The following SIPA1L1 variants were observed in gnomAD, a reference collection of about 807,000 sequenced individuals.
SIPA1L1 encodes signal-induced proliferation-associated 1-like protein 1.
A neutral mutation model predicts 162.7 loss-of-function variants in SIPA1L1; 26 were observed. That is an observed-to-expected ratio of 0.16 (90% confidence interval 0.12 to 0.22). SIPA1L1 has a LOEUF of 0.22. Among genes scored for constraint, SIPA1L1 ranks in the 10% least tolerant of loss-of-function variants. SIPA1L1 has a pLI of 1.00. For missense variants in SIPA1L1, 1,874 were observed against 2,241.0 expected (o/e 0.84, Z 3.31); for synonymous variants, 829 against 837.4 (o/e 0.99, Z 0.17).
At chr14:71,399,061 A>AT (rs1374670297) in intron 2 of SIPA1L1, among the ~76,000 whole-genome samples, 2 of 152,246 alleles carry the variant, frequency 1.3e-5, no homozygotes, top group East Asian at 3.8e-4. Flanking sequence ...GTGGCAACTA[A>AT]GTTTAGCACT....
intron 7 of SIPA1L1, among the ~76,000 whole-genome samples, chr14:71,634,998 G>A (rs139002047): frequency 6.7e-6 from 1 of 149,720 alleles, no homozygotes; most frequent in African/African-American, 2.5e-5. Context: ...TGGATCTTGG[G>A]AGGGCACGGT....
intron 4 of SIPA1L1, among the ~76,000 whole-genome samples, chr14:71,585,950 G>A (rs1470357899): frequency 2.6e-5 from 4 of 152,162 alleles, no homozygotes; most frequent in Admixed American, 2.6e-4. Context: ...GCAACAGTTA[G>A]CATGTTTTGT....
intron 2 of SIPA1L1, among the ~76,000 whole-genome samples, chr14:71,425,751 C>T (rs2043513355): frequency 6.6e-6 from 1 of 152,046 alleles, no homozygotes; most frequent in African/African-American, 2.4e-5. Context: ...CCTCTGTTTC[C>T]TTGTATCCAG....
intron 2 of SIPA1L1, among the ~76,000 whole-genome samples, chr14:71,359,673 CTTAA>C (rs1426725853): frequency 1.3e-5 from 2 of 151,942 alleles, no homozygotes; most frequent in African/African-American, 4.8e-5. Flanking sequence ...TTTTAATTGA[CTTAA>C]TTGAGGATGG....
chr14:71,499,906 C>G (rs1299850244), intron 2 of SIPA1L1, among the ~76,000 whole-genome samples: 1 of 152,112 alleles, frequency 6.6e-6, no homozygotes, highest in Non-Finnish European at 1.5e-5. Flanking sequence ...CCACCAGAAA[C>G]CAGAGATTCA....
At chr14:71,419,729 C>T (rs34294360) in intron 2 of SIPA1L1, among the ~76,000 whole-genome samples, 12 of 151,912 alleles carry the variant, frequency 7.9e-5, no homozygotes, top group East Asian at 1.9e-4. Flanking sequence ...GATCTCCTGA[C>T]CTCATGATCC....
chr14:71,394,545 C>T (rs2041026829), intron 2 of SIPA1L1, among the ~76,000 whole-genome samples: 1 of 152,138 alleles, frequency 6.6e-6, no homozygotes, highest in South Asian at 2.1e-4. Flanking sequence ...ACCTTTTCAC[C>T]TATTCTCCAG....
At chr14:71,562,614 G>A (rs755989962) in intron 4 of SIPA1L1, among the ~76,000 whole-genome samples, 5 of 152,068 alleles carry the variant, frequency 3.3e-5, no homozygotes, top group Admixed American at 1.3e-4. Context: ...CCCAGAATTC[G>A]TTGGATAACC....
chr14:71,494,646 C>A (rs1183049711), intron 2 of SIPA1L1, among the ~76,000 whole-genome samples: 1 of 151,604 alleles, frequency 6.6e-6, no homozygotes, highest in African/African-American at 2.4e-5. Flanking sequence ...CCCGCTTCAG[C>A]CTCAATAGTA....
chr14:71,566,629 G>C (rs1208637741), intron 4 of SIPA1L1, among the ~76,000 whole-genome samples: 3 of 152,126 alleles, frequency 2.0e-5, no homozygotes, highest in Non-Finnish European at 2.9e-5. Flanking sequence ...CAAAAGTATT[G>C]ATGGCTATTT....
intron 20 of SIPA1L1, among the ~76,000 whole-genome samples, chr14:71,731,520 T>A (rs2084780267): frequency 6.6e-6 from 1 of 152,218 alleles, no homozygotes; most frequent in African/African-American, 2.4e-5. Context: ...TCTCCCTACA[T>A]CGGGGTCAGT....
At position 71,410,538 on chromosome 14, in the gene SIPA1L1, G is replaced by T. The variant is rs568685206; in HGVS notation, c.-465+89357G>T. On this transcript the variant is annotated intron_variant, in intron 2 of 23. Coordinates refer to ENST00000381232, the MANE Select transcript of SIPA1L1 (RefSeq NM_001386936.1). ...AGTGTTTAGGATTTTTTATTTTTTT[G>T]GATTTTGAAATATTTGTAGTATACT... 3.3e-5 allele frequency among the ~76,000 whole-genome samples: 5 copies of T among 152,058 alleles called. No individual in the cohort carries two copies. In the South Asian group the frequency reaches 1.0e-3, roughly 32 times the overall value.
At chr14:71,431,621 G>A (rs112892249) in intron 2 of SIPA1L1, among the ~76,000 whole-genome samples, 2,739 of 152,202 alleles carry the variant, frequency 0.018, 32 homozygotes, top group African/African-American at 0.027. Flanking sequence ...TTGAGTCTGG[G>A]AGGTCAAGGC....
chr14:71,738,161 T>TAAAAAAAAAAAAAAAAAAAAAA (rs34549978), intron 22 of SIPA1L1, 80 bp from the exon 23 acceptor site: 1 of 324,174 alleles, frequency 3.1e-6, no homozygotes, highest in South Asian at 4.4e-5. Flanking sequence ...CTCCTCAGAG[T>TAAAAAAAAAAAAAAAAAAAAAA]AAAAAAAAAA....
intron 5 of SIPA1L1, among the ~76,000 whole-genome samples, chr14:71,605,783 G>A (rs2037419710): frequency 6.6e-6 from 1 of 152,206 alleles, no homozygotes. Flanking sequence ...GTCTGTGTGT[G>A]TCTGGGCCTC....
intron 4 of SIPA1L1, among the ~76,000 whole-genome samples, chr14:71,544,575 G>A (rs1295721203): frequency 6.6e-6 from 1 of 151,868 alleles, no homozygotes; most frequent in Non-Finnish European, 1.5e-5. Context: ...TGTTTACTCC[G>A]AGAAGCTTTA....
At chr14:71,424,137 A>G (rs535322393) in intron 2 of SIPA1L1, among the ~76,000 whole-genome samples, 10 of 152,238 alleles carry the variant, frequency 6.6e-5, no homozygotes, top group East Asian at 1.9e-4. Flanking sequence ...GTCTCCTGCT[A>G]TGTTGCTGAA....
At chr14:71,705,365 A>G (rs772557200) in intron 16 of SIPA1L1, 25 bp downstream of exon 16, 1 of 1,499,632 alleles carries the variant, frequency 6.7e-7, no homozygotes, top group African/African-American at 1.4e-5. Context: ...AACTTAAAAA[A>G]GTATTAGATT....
At chr14:71,408,325 A>G (rs1212465106) in intron 2 of SIPA1L1, among the ~76,000 whole-genome samples, 1 of 152,136 alleles carries the variant, frequency 6.6e-6, no homozygotes, top group African/African-American at 2.4e-5. Flanking sequence ...AAGAGACTCA[A>G]ATTTTGTCAC....
Sources: allele counts gnomAD v4.1 joint callset (sites outside exome capture counted in the v4.1 genomes callset), GRCh38; gene constraint gnomAD v4.1.1; transcripts MANE v1.5; gene names NCBI Gene and HGNC (gene_info 2026-07-23, HGNC 2026-07-21).